Variants in ACOXL observed in about 807,000 individuals in gnomAD.
The protein encoded by ACOXL is acyl-CoA oxidase like.
In ACOXL, 70 loss-of-function variants were observed where a neutral mutation model predicts 71.9. The ratio of observed to expected loss-of-function variants is 0.97; its 90% CI spans 0.80 to 1.19. ACOXL has a LOEUF of 1.19. Among genes scored for constraint, ACOXL ranks in the 50% most tolerant of loss-of-function variants. The pLI, the probability that ACOXL is intolerant of heterozygous loss-of-function variation, is 0.00. For missense variants in ACOXL, 703 were observed against 736.3 expected, an observed-to-expected ratio of 0.95 and a Z score of 0.52; for synonymous variants, 253 against 281.6, an observed-to-expected ratio of 0.90 and a Z score of 1.02.
intron 9 of ACOXL, among the ~76,000 whole-genome samples, chr2:110,823,632 T>C (rs1040798676): frequency 6.6e-6 from 1 of 152,212 alleles, no homozygotes; most frequent in African/African-American, 2.4e-5. Flanking sequence ...GTAATGGTAT[T>C]GTCAGTGTTT....
intron 5 of ACOXL, among the ~76,000 whole-genome samples, chr2:110,797,010 G>A (rs1376852844): frequency 6.6e-6 from 1 of 152,158 alleles, no homozygotes; most frequent in East Asian, 1.9e-4. Flanking sequence ...TAAATGTGCA[G>A]TTCCACTCTC....
chr2:110,813,704 A>G (rs1687607418), intron 9 of ACOXL, among the ~76,000 whole-genome samples: 1 of 152,132 alleles, frequency 6.6e-6, no homozygotes, highest in Non-Finnish European at 1.5e-5. Flanking sequence ...TCATTGCTCC[A>G]TTCCTTTGTT....
intron 16 of ACOXL, among the ~76,000 whole-genome samples, chr2:111,076,994 C>T (rs2067635053): frequency 6.6e-6 from 1 of 152,112 alleles, no homozygotes; most frequent in Non-Finnish European, 1.5e-5. Context: ...TTAGGACCTA[C>T]CTGAATAATC....
intron 10 of ACOXL, among the ~76,000 whole-genome samples, chr2:110,865,259 C>T (rs1002960466): frequency 3.3e-5 from 5 of 152,216 alleles, no homozygotes; most frequent in African/African-American, 9.6e-5. Flanking sequence ...CCTGGGGTCC[C>T]TGTCACCTGG....
chr2:110,885,899 T>C (rs1317740836), intron 10 of ACOXL, among the ~76,000 whole-genome samples: 1 of 152,216 alleles, frequency 6.6e-6, no homozygotes, highest in African/African-American at 2.4e-5. Context: ...TGAGTGTCTA[T>C]ACAGAAATAT....
Position 111,118,104 on chromosome 2 carries a change from A to C in ACOXL, c.*288A>C. 2.4e-5 allele frequency: 12 copies of C among 509,864 alleles called. No homozygotes were observed. Among genetic ancestry groups the C allele is most frequent in the Admixed American group, 3.4e-5 (1 of 29,112 alleles). 31.6% of individuals were successfully genotyped at this position (509,864 alleles called of 1,614,324 possible). A position where few individuals can be genotyped will look rare whatever the true frequency, so the allele number is the denominator to read the frequency against. ...ACTTCAGTGCCGGATCCCCTAGACA[A>C]TCAGGGTGGGCTCCCCGCTGCGAGC... On this transcript the variant is annotated 3_prime_UTR_variant, in exon 18 of 18. Coordinates refer to ENST00000439055, the MANE Select transcript of ACOXL (RefSeq NM_001142807.4).
intron 16 of ACOXL, among the ~76,000 whole-genome samples, chr2:111,084,555 C>T (rs2149990608): frequency 6.6e-6 from 1 of 152,284 alleles, no homozygotes; most frequent in East Asian, 1.9e-4. Flanking sequence ...ATGTTCCCAT[C>T]TTCTCTCTGA....
At chr2:110,886,559 A>G (rs1242691760) in intron 10 of ACOXL, among the ~76,000 whole-genome samples, 1 of 151,812 alleles carries the variant, frequency 6.6e-6, no homozygotes, top group Non-Finnish European at 1.5e-5. Flanking sequence ...TTGTATTTCT[A>G]GTAGAGATGG....
At chr2:110,925,343 C>G (rs1177719505) in intron 11 of ACOXL, among the ~76,000 whole-genome samples, 1 of 152,208 alleles carries the variant, frequency 6.6e-6, no homozygotes, top group Non-Finnish European at 1.5e-5. Context: ...GAAACCAAGG[C>G]TGTTTCACCT....
chr2:110,911,928 T>C (rs1433233899), intron 11 of ACOXL, among the ~76,000 whole-genome samples: 1 of 152,088 alleles, frequency 6.6e-6, no homozygotes, highest in Non-Finnish European at 1.5e-5. Context: ...CTATCCCTAT[T>C]TGCAGATGAT....
intron 16 of ACOXL, among the ~76,000 whole-genome samples, chr2:111,051,589 C>A (rs1195697432): frequency 6.6e-6 from 1 of 152,120 alleles, no homozygotes; most frequent in Non-Finnish European, 1.5e-5. Flanking sequence ...CTGTCTCAGC[C>A]TCCCCACTAG....
intron 15 of ACOXL, among the ~76,000 whole-genome samples, 187 bp downstream of exon 15, chr2:111,031,901 A>G (rs1002956695): frequency 3.3e-5 from 5 of 152,212 alleles, no homozygotes; most frequent in African/African-American, 1.2e-4. Flanking sequence ...CCAACTTACT[A>G]GGAACACTGA....
rs541004268 is a variant in ACOXL at position 111,046,144 on chromosome 2, A to C, written c.1370-3074A>C. The stretch of plus-strand genomic sequence containing the variant: ...AGGGGAGACTTAGAGAAATCTTTGT[A>C]CAGGAACCTAAGATGGAGTGCAGAC... On this transcript the variant is annotated intron_variant, in intron 15 of 17. Coordinates refer to ENST00000439055, the MANE Select transcript of ACOXL (RefSeq NM_001142807.4). 1.8e-4 allele frequency among the ~76,000 whole-genome samples: 28 copies of C among 152,366 alleles called. No individual in the cohort carries two copies. The East Asian group carries it at 5.4e-3, about 29-fold the overall frequency.
chr2:110,868,433 G>A (rs1694873941), intron 10 of ACOXL, among the ~76,000 whole-genome samples: 1 of 152,206 alleles, frequency 6.6e-6, no homozygotes. Flanking sequence ...AACAGTGCAT[G>A]TGAGCAATTG....
intron 14 of ACOXL, among the ~76,000 whole-genome samples, chr2:111,008,784 A>G (rs959438549): frequency 1.3e-5 from 2 of 152,150 alleles, no homozygotes; most frequent in Non-Finnish European, 2.9e-5. Context: ...GTGTTCTAAT[A>G]TTTTTCAATT....
intron 1 of ACOXL, among the ~76,000 whole-genome samples, chr2:110,734,115 G>GT (rs1676542198): frequency 6.6e-6 from 1 of 151,756 alleles, no homozygotes; most frequent in Non-Finnish European, 1.5e-5. Flanking sequence ...AACTTTTTTT[G>GT]TTTTGGAAAA....
At chr2:111,022,872 G>GA (rs985594349) in intron 14 of ACOXL, among the ~76,000 whole-genome samples, 1 of 152,046 alleles carries the variant, frequency 6.6e-6, no homozygotes, top group African/African-American at 2.4e-5. Flanking sequence ...GAAGGAGGAA[G>GA]AAAAAAGACT....
chr2:110,761,945 AT>A (rs1377835701), intron 1 of ACOXL, among the ~76,000 whole-genome samples: 1 of 152,014 alleles, frequency 6.6e-6, no homozygotes, highest in Non-Finnish European at 1.5e-5. Flanking sequence ...CTATTGCATG[AT>A]TTCTTTCTTC....
At chr2:110,761,244 A>T (rs531571701) in intron 1 of ACOXL, among the ~76,000 whole-genome samples, 1 of 151,946 alleles carries the variant, frequency 6.6e-6, no homozygotes, top group African/African-American at 2.4e-5. Flanking sequence ...TTTTTCTTTA[A>T]TGTGTTGTTT....
Sources: gnomAD v4.1 joint callset for allele counts (sites outside exome capture counted in the v4.1 genomes callset) on GRCh38, gnomAD v4.1.1 for gene constraint, MANE v1.5 for transcripts, NCBI Gene and HGNC (gene_info 2026-07-23, HGNC 2026-07-21) for gene names.